The following MCTP2 variants were observed in gnomAD, a reference collection of about 807,000 sequenced individuals.
MCTP2 encodes the protein multiple C2 and transmembrane domain-containing protein 2.
A neutral mutation model predicts 111.6 loss-of-function variants in MCTP2; 132 were observed. The observed-to-expected ratio is 1.18, with a 90% CI of 1.03 to 1.37. The LOEUF is 1.37. Ranked by LOEUF, MCTP2 falls within the 40% of genes most tolerant of loss-of-function variation. The pLI, the probability that MCTP2 is intolerant of heterozygous loss-of-function variation, is 0.00. For synonymous variants in MCTP2, 395 were observed against 387.7 expected, an observed-to-expected ratio of 1.02 and a Z score of -0.22; for missense variants, 1,183 against 1,067.9, an observed-to-expected ratio of 1.11 and a Z score of -1.50.
intron 3 of MCTP2, among the ~76,000 whole-genome samples, 198 bp downstream of exon 3, chr15:94,314,542 T>C (rs2076294512): frequency 6.6e-6 from 1 of 152,084 alleles, no homozygotes; most frequent in African/African-American, 2.4e-5. Flanking sequence ...CAGACTGGGA[T>C]AGATTCTTCT....
chr15:94,443,036 C>A, intron 19 of MCTP2, 76 bp downstream of exon 19: 17 of 1,005,892 alleles, frequency 1.7e-5, no homozygotes, highest in Non-Finnish European at 2.1e-5. Context: ...CAGGTTGAGT[C>A]TCTCTCCTCT....
Position 94,340,765 on chromosome 15 carries a change from C to G in MCTP2, c.858-48C>G, listed in dbSNP as rs145536696. On this transcript the variant is annotated intron_variant, in intron 6 of 22. Coordinates refer to ENST00000357742, the MANE Select transcript of MCTP2 (RefSeq NM_001385001.1). ...AGCTCCTGATGCGTGTAGGTCAATACAGTCCTGTCAATAAGTGGTAGCATT... is the reference window on the plus strand; with the variant it reads ...AGCTCCTGATGCGTGTAGGTCAATAGAGTCCTGTCAATAAGTGGTAGCATT... 2.8e-4 allele frequency: 330 copies of G among 1,186,774 alleles called. 1 individual carries two copies. Among genetic ancestry groups the G allele is most frequent in the Non-Finnish European group, 1.5e-5 (12 of 803,190 alleles). The allele number at this position is 1,186,774 out of a possible 1,614,324, so 73.5% of individuals were successfully genotyped here. A position where few individuals can be genotyped will look rare whatever the true frequency, so the allele number is the denominator to read the frequency against.
chr15:94,335,554 C>T (rs2077320933), intron 4 of MCTP2, among the ~76,000 whole-genome samples: 1 of 152,082 alleles, frequency 6.6e-6, no homozygotes, highest in South Asian at 2.1e-4. Flanking sequence ...AACCATGGGC[C>T]CTTCATATTC....
At chr15:94,313,194 C>T (rs1045465550) in intron 2 of MCTP2, among the ~76,000 whole-genome samples, 2 of 152,166 alleles carry the variant, frequency 1.3e-5, no homozygotes, top group African/African-American at 4.8e-5. Context: ...AGGCCATTTG[C>T]CCATGTCCCC....
At chr15:94,452,619 C>G (rs767872320) in intron 19 of MCTP2, among the ~76,000 whole-genome samples, 4 of 152,130 alleles carry the variant, frequency 2.6e-5, no homozygotes, top group Non-Finnish European at 5.9e-5. Context: ...ATGGACCCAC[C>G]ACAGTTGTTG....
intron 17 of MCTP2, among the ~76,000 whole-genome samples, chr15:94,419,689 T>G (rs568579195): frequency 6.6e-6 from 1 of 152,140 alleles, no homozygotes; most frequent in Non-Finnish European, 1.5e-5. Context: ...TCTTCACCTC[T>G]TTTACATTAT....
At chr15:94,452,597 G>T (rs1172203723) in intron 19 of MCTP2, among the ~76,000 whole-genome samples, 1 of 152,072 alleles carries the variant, frequency 6.6e-6, no homozygotes, top group Admixed American at 6.6e-5. Context: ...AAGTACTGTA[G>T]CAACACTGAG....
chr15:94,454,078 T>C (rs561487468), intron 19 of MCTP2, among the ~76,000 whole-genome samples: 1 of 152,194 alleles, frequency 6.6e-6, no homozygotes. Flanking sequence ...GCAAACACAA[T>C]ATCAGAGAAC....
intron 12 of MCTP2, among the ~76,000 whole-genome samples, chr15:94,379,761 AATATATGATATGTAATATATAATT>A (rs1362999162): frequency 5.9e-4 from 85 of 145,262 alleles, no homozygotes; most frequent in African/African-American, 1.8e-3. Flanking sequence ...TAATATATAT[AATATATGATATGTAATATATAATT>A]ATATATGATA....
intron 4 of MCTP2, among the ~76,000 whole-genome samples, chr15:94,321,470 GA>G (rs2076626689): frequency 6.6e-6 from 1 of 152,072 alleles, no homozygotes; most frequent in Non-Finnish European, 1.5e-5. Context: ...CCTACATTTA[GA>G]AAATAGGCAA....
intron 17 of MCTP2, 76 bp downstream of exon 17, chr15:94,402,095 G>A (rs6497203): frequency 0.58 from 896,936 of 1,542,046 alleles, 268,318 homozygotes; most frequent in Middle Eastern, 0.66. Context: ...ATATTACAGC[G>A]TAGGTGATTA....
chr15:94,415,807 C>A (rs2082349608), intron 17 of MCTP2, among the ~76,000 whole-genome samples: 1 of 152,136 alleles, frequency 6.6e-6, no homozygotes, highest in South Asian at 2.1e-4. Context: ...ATTGGAGAAT[C>A]CTAACTCAAT....
chr15:94,477,657 G>A (rs1215780903), intron 22 of MCTP2, among the ~76,000 whole-genome samples: 1 of 152,186 alleles, frequency 6.6e-6, no homozygotes, highest in Non-Finnish European at 1.5e-5. Context: ...TTGAGCCACT[G>A]TAGCATAATT....
intron 17 of MCTP2, among the ~76,000 whole-genome samples, chr15:94,408,345 G>A (rs1442228540): frequency 6.6e-6 from 1 of 152,154 alleles, no homozygotes; most frequent in Non-Finnish European, 1.5e-5. Flanking sequence ...ATATATAAGT[G>A]CACACACAGA....
intron 8 of MCTP2, among the ~76,000 whole-genome samples, chr15:94,350,563 C>G (rs1259271272): frequency 6.7e-6 from 1 of 148,862 alleles, no homozygotes; most frequent in East Asian, 1.9e-4. Flanking sequence ...GAGCGAGACT[C>G]CGTCTCAAAA....
intron 1 of MCTP2, among the ~76,000 whole-genome samples, chr15:94,256,178 G>A (rs565166168): frequency 2.0e-5 from 3 of 152,208 alleles, no homozygotes; most frequent in South Asian, 2.1e-4. Flanking sequence ...AAATGCAGCC[G>A]AAACTTTGTT....
At chr15:94,293,096 CTA>C (rs1228284195) in intron 1 of MCTP2, 1 of 152,116 alleles carries the variant, frequency 6.6e-6, no homozygotes, top group Non-Finnish European at 1.5e-5. Context: ...AAATGTAAAA[CTA>C]TATTACTATT....
chr15:94,441,512 A>C (rs75196199), intron 18 of MCTP2, among the ~76,000 whole-genome samples: 1 of 152,346 alleles, frequency 6.6e-6, no homozygotes, highest in African/African-American at 2.4e-5. Context: ...TAGTATGTGC[A>C]TATGTGTGCA....
chr15:94,273,799 A>C (rs767936023), intron 1 of MCTP2: 1 of 208,492 alleles, frequency 4.8e-6, no homozygotes, highest in Non-Finnish European at 1.1e-5. Flanking sequence ...TCAGAAAGAA[A>C]TATGTCCTCT....
Sources: allele counts gnomAD v4.1 joint callset (sites outside exome capture counted in the v4.1 genomes callset), GRCh38; gene constraint gnomAD v4.1.1; transcripts MANE v1.5; gene names NCBI Gene and HGNC (gene_info 2026-07-23, HGNC 2026-07-21).